The following TMED8 variants were observed in gnomAD, a reference collection of about 807,000 sequenced individuals.
TMED8 encodes the protein protein TMED8.
Under a neutral mutation model 32.7 loss-of-function variants are expected in TMED8, and 15 were observed. The observed-to-expected ratio is 0.46, with a 90% CI of 0.31 to 0.71. The LOEUF (loss-of-function observed/expected upper bound fraction) is 0.71, where lower values mean the gene tolerates loss of function less well. Ranked by LOEUF, TMED8 falls within the 30% of genes least tolerant of loss-of-function variation. The probability of loss-of-function intolerance (pLI) is 0.06; values close to 1 mark genes in which losing one functional copy is unlikely to be tolerated. For missense variants in TMED8, 390 were observed against 423.9 expected (o/e 0.92, Z 0.70); for synonymous variants, 147 against 161.4 (o/e 0.91, Z 0.68).
chr14:77,367,240 T>TAAA (rs56707120), intron 1 of TMED8, among the ~76,000 whole-genome samples: 9 of 25,082 alleles, frequency 3.6e-4, no homozygotes, highest in African/African-American at 6.3e-4. Context: ...AGACTCTGTC[T>TAAA]AAAAAAAAAA....
At chr14:77,370,000 C>T (rs1268830173) in intron 1 of TMED8, among the ~76,000 whole-genome samples, 1 of 152,092 alleles carries the variant, frequency 6.6e-6, no homozygotes, top group Non-Finnish European at 1.5e-5. Context: ...GGTGAAACCC[C>T]ATCTCTACTA....
At position 77,335,723 on chromosome 14, in the gene TMED8, C is replaced by T. The variant is rs1460808101; in HGVS notation, c.*6048G>A. ...GGGAATTTCAAAACACTTCCCGTTACGTTAAGGGAAAATGGGTACACCAGA... is the reference window on the plus strand; with the variant it reads ...GGGAATTTCAAAACACTTCCCGTTATGTTAAGGGAAAATGGGTACACCAGA... On this transcript the variant is annotated 3_prime_UTR_variant, in exon 6 of 6. Coordinates refer to ENST00000216468, the MANE Select transcript of TMED8 (RefSeq NM_213601.3). The T allele has an allele frequency of 6.6e-6, 1 of 152,142 alleles. No individual in the cohort carries two copies. The highest frequency in any genetic ancestry group is 1.5e-5 in the Non-Finnish European group (1 of 68,016). 9.4% of individuals were successfully genotyped at this position (152,142 alleles called of 1,614,324 possible).
At chr14:77,362,306 A>G (rs1309095874) in intron 1 of TMED8, among the ~76,000 whole-genome samples, 4 of 151,822 alleles carry the variant, frequency 2.6e-5, no homozygotes, top group Non-Finnish European at 5.9e-5. Flanking sequence ...AAAAGTTTTC[A>G]TTTTTCCACA....
intron 3 of TMED8, among the ~76,000 whole-genome samples, chr14:77,345,386 T>C (rs971038379): frequency 1.3e-5 from 2 of 152,190 alleles, no homozygotes; most frequent in Non-Finnish European, 2.9e-5. Flanking sequence ...TTGTAAACTG[T>C]AAAGTATTAT....
In TMED8 at chr14:77,343,817, T is replaced by TA; in HGVS notation, c.333dup (p.Lys112Ter). 6.2e-7 allele frequency: 1 copy of TA among 1,613,462 alleles called. No homozygotes were observed. The highest frequency in any genetic ancestry group is 8.5e-7 in the Non-Finnish European group (1 of 1,179,616). The stretch of plus-strand genomic sequence containing the variant: ...CCAGACCTCTGTGGAACTTGATACT[T>TA]AGCCATCTGCACAACAGAACTCTGG... On this transcript the variant is annotated frameshift_variant, in exon 4 of 6. Transcript: ENST00000216468. LOFTEE classifies it high-confidence loss of function.
chr14:77,349,526 A>C (rs117369740), intron 2 of TMED8, among the ~76,000 whole-genome samples: 1 of 151,860 alleles, frequency 6.6e-6, no homozygotes, highest in East Asian at 1.9e-4. Flanking sequence ...CACCCCAAGT[A>C]CTCTCCCACT....
intron 5 of TMED8, 69 bp downstream of exon 5, chr14:77,343,109 A>C (rs1331380353): frequency 2.7e-6 from 4 of 1,504,618 alleles, no homozygotes; most frequent in Non-Finnish European, 3.6e-6. Context: ...GACTGGTACA[A>C]CCCACAAAAT....
chr14:77,336,047 GC>G lies in TMED8; in HGVS notation c.*5723del, dbSNP rs1225428067. ...GTGATGAAGAGAGTTCAGGAAGAGA[GC>G]CCCTTAAACTCTGAATTAAGGGCTC... On this transcript the variant is annotated 3_prime_UTR_variant, in exon 6 of 6. Coordinates refer to ENST00000216468, the MANE Select transcript of TMED8 (RefSeq NM_213601.3). The G allele has an allele frequency of 2.6e-5, 4 of 152,098 alleles. No homozygotes were observed. Among genetic ancestry groups the G allele is most frequent in the Admixed American group, 1.3e-4 (2 of 15,266 alleles). The allele number at this position is 152,098 out of a possible 1,614,324, so 9.4% of individuals were successfully genotyped here.
At chr14:77,371,290 G>A (rs551494001) in intron 1 of TMED8, among the ~76,000 whole-genome samples, 5 of 152,316 alleles carry the variant, frequency 3.3e-5, no homozygotes, top group African/African-American at 1.2e-4. Flanking sequence ...CAAAGCATGA[G>A]AGTGTCTGCT....
At position 77,376,919 on chromosome 14, in the gene TMED8, G is replaced by A. The variant is rs756441441; in HGVS notation, c.118+17C>T. On this transcript the variant is annotated intron_variant, in intron 1 of 5. Transcript: ENST00000216468. The surrounding 1 kb of genome is among the most constrained non-coding windows in gnomAD (Gnocchi z 4.0). ...GGCCGGGCGGCACCCACCCGCCAGCGCCCCGGCCTTGCGTACCTGAGGCGG... is the reference window on the plus strand; with the variant it reads ...GGCCGGGCGGCACCCACCCGCCAGCACCCCGGCCTTGCGTACCTGAGGCGG... The A allele has an allele frequency of 3.1e-5, 44 of 1,408,886 alleles. No individual in the cohort carries two copies. The South Asian group carries it at 5.5e-4, about 18-fold the overall frequency. 87.3% of individuals were successfully genotyped at this position (1,408,886 alleles called of 1,614,324 possible).
chr14:77,370,238 C>T (rs1893647343), intron 1 of TMED8, among the ~76,000 whole-genome samples: 1 of 151,892 alleles, frequency 6.6e-6, no homozygotes, highest in Non-Finnish European at 1.5e-5. Flanking sequence ...AGTTTATCTA[C>T]TATGTCTATC....
Position 77,346,349 on chromosome 14 carries a change from C to T in TMED8, c.327G>A (p.Glu109=). 2 of 1,614,038 alleles carry T rather than the reference C, an allele frequency of 1.2e-6. No individual in the cohort carries two copies. The highest frequency in any genetic ancestry group is 1.7e-6 in the Non-Finnish European group (2 of 1,179,952). Residue 109 remains glutamate (E), a splice_region_variant and synonymous_variant, in exon 3 of 6, where the codon GAG becomes GAA. Transcript: ENST00000216468. ...LPADQAQVLN[E]MAKYQVPQRS... ...GAAAGAGCCAGAATCTGCCCCCTAC[C>T]TCATTGAGGACCTGGGCCTGGTCTG...
At chr14:77,354,157 GT>G (rs1483777394) in intron 1 of TMED8, among the ~76,000 whole-genome samples, 2 of 152,244 alleles carry the variant, frequency 1.3e-5, no homozygotes, top group Non-Finnish European at 2.9e-5. Flanking sequence ...TTCCAGGTGT[GT>G]TCCAATCCGT....
chr14:77,352,722 G>A (rs1262794192), intron 1 of TMED8, among the ~76,000 whole-genome samples: 1 of 152,190 alleles, frequency 6.6e-6, no homozygotes, highest in Non-Finnish European at 1.5e-5. Context: ...CTGGGCGACA[G>A]AGCGAGACTC....
chr14:77,361,532 T>A (rs930474635), intron 1 of TMED8, among the ~76,000 whole-genome samples: 2 of 152,168 alleles, frequency 1.3e-5, no homozygotes, highest in Admixed American at 6.5e-5. Flanking sequence ...TTTCTTAGGA[T>A]TGCTTGTATA....
At chr14:77,367,254 A>AACC in intron 1 of TMED8, among the ~76,000 whole-genome samples, 1 of 150,938 alleles carries the variant, frequency 6.6e-6, no homozygotes, top group Admixed American at 6.6e-5. Flanking sequence ...AAAAAAAAAA[A>AACC]AAAAAAAAAA....
chr14:77,343,473 A>G lies in TMED8; in HGVS notation c.465T>C (p.Pro155=). The G allele has an allele frequency of 6.2e-7, 1 of 1,613,350 alleles. No individual in the cohort carries two copies. Among genetic ancestry groups the G allele is most frequent in the Non-Finnish European group, 8.5e-7 (1 of 1,179,666 alleles). ...TCCAGATGCATGGAGGAGCCATCAG[A>G]GGTGGGGAGACTGAAAGGACAAGCA... ...LLGDHRKVSP[P]LMAPPCIWTF... Residue 155 remains proline (P), a synonymous_variant, in exon 5 of 6, where the codon CCT becomes CCC. Coordinates refer to ENST00000216468, the MANE Select transcript of TMED8 (RefSeq NM_213601.3).
At chr14:77,364,092 T>C (rs917345416) in intron 1 of TMED8, among the ~76,000 whole-genome samples, 7 of 152,252 alleles carry the variant, frequency 4.6e-5, no homozygotes, top group Admixed American at 2.0e-4. Flanking sequence ...TCAGAGTACA[T>C]TGTCAAACTG....
Position 77,338,648 on chromosome 14 carries a change from T to A in TMED8, c.*3123A>T, listed in dbSNP as rs958523371. 7.9e-4 allele frequency: 120 copies of A among 152,334 alleles called. 1 individual carries two copies. Among genetic ancestry groups the A allele is most frequent in the African/African-American group, 2.4e-3 (100 of 41,572 alleles). The allele number at this position is 152,334 out of a possible 1,614,324, so 9.4% of individuals were successfully genotyped here. ...TCTGTCTCCCTCAAATGTATAAAAC[T>A]GTAACCCGACTACCTCGGGCACATG... On this transcript the variant is annotated 3_prime_UTR_variant, in exon 6 of 6. Coordinates refer to ENST00000216468, the MANE Select transcript of TMED8 (RefSeq NM_213601.3).
Sources: allele counts gnomAD v4.1 joint callset (sites outside exome capture counted in the v4.1 genomes callset), GRCh38; gene constraint gnomAD v4.1.1; non-coding constraint Gnocchi (gnomAD v3.1); transcripts MANE v1.5; gene names NCBI Gene and HGNC (gene_info 2026-07-23, HGNC 2026-07-21).